RHOQ: variants seen among roughly 807,000 people sequenced by gnomAD.
The protein encoded by RHOQ is rho-related GTP-binding protein RhoQ.
RHOQ carries 7 observed loss-of-function variants against 25.8 expected under a neutral mutation model. The ratio of observed to expected loss-of-function variants is 0.27; its 90% CI spans 0.15 to 0.51. The LOEUF (loss-of-function observed/expected upper bound fraction) is 0.51, where lower values mean the gene tolerates loss of function less well. RHOQ is among the 20% of genes least tolerant of loss of function. RHOQ has a pLI of 0.97. For synonymous variants in RHOQ, 97 were observed against 98.6 expected, an observed-to-expected ratio of 0.98 and a Z score of 0.10; for missense variants, 165 against 260.6, an observed-to-expected ratio of 0.63 and a Z score of 2.53.
chr2:46,560,650 C>T (rs750051512), intron 2 of RHOQ: 3 of 455,852 alleles, frequency 6.6e-6, no homozygotes, highest in Admixed American at 4.7e-5. Flanking sequence ...TCTGTTGTGT[C>T]CACTAGCTCC....
chr2:46,542,965 C>T lies in RHOQ; in HGVS notation c.-82C>T, dbSNP rs950379389. ...GCGGAGCGGCGGCGACGGCGGCGGA[C>T]CCCCCAGGCGGGCTGGGGCTGAGCC... On this transcript the variant is annotated 5_prime_UTR_variant, in exon 1 of 5. Transcript: ENST00000238738. 20 of 935,074 alleles carry T rather than the reference C, an allele frequency of 2.1e-5. No homozygotes were observed. The highest frequency in any genetic ancestry group is 3.5e-5 in the African/African-American group (2 of 56,444). The allele number at this position is 935,074 out of a possible 1,614,324, so 57.9% of individuals were successfully genotyped here.
At position 46,543,122 on chromosome 2, in the gene RHOQ, C is replaced by T; in HGVS notation, c.76C>T (p.Leu26Phe). The T allele has an allele frequency of 1.2e-6, 2 of 1,611,696 alleles. No homozygotes were observed. The highest frequency in any genetic ancestry group is 1.7e-6 in the Non-Finnish European group (2 of 1,179,052). ...GDGAVGKTCL[L>F]MSYANDAFPE... is the part of the protein sequence containing the mutation. ...CGGGGCGGTGGGCAAGACGTGCCTA[C>T]TCATGAGCTATGCCAACGACGCCTT... The change falls in exon 1 of 5, where the codon CTC becomes TTC. Residue 26 changes from leucine (L) to phenylalanine (F), a missense_variant. By Grantham distance (22) the Leu-to-Phe change is conservative (BLOSUM62 0). Transcript: ENST00000238738.
At chr2:46,550,069 T>A (rs4953400) in intron 2 of RHOQ, among the ~76,000 whole-genome samples, 38,246 of 147,958 alleles carry the variant, frequency 0.26, 5,037 homozygotes, top group Admixed American at 0.31. Context: ...TTCTACTAAA[T>A]TTTTTTTTTT....
intron 2 of RHOQ, chr2:46,560,629 A>AT: frequency 2.2e-6 from 1 of 456,272 alleles, no homozygotes; most frequent in South Asian, 1.5e-5. Flanking sequence ...ATGGGTTTCC[A>AT]GTGGCCAGGA....
intron 2 of RHOQ, among the ~76,000 whole-genome samples, chr2:46,554,328 A>AT (rs1668344561): frequency 6.6e-6 from 1 of 152,076 alleles, no homozygotes; most frequent in African/African-American, 2.4e-5. Context: ...TGGAAGCAGA[A>AT]TTTTTTGTGG....
At chr2:46,546,495 T>G in intron 2 of RHOQ, among the ~76,000 whole-genome samples, 1 of 22,368 alleles carries the variant, frequency 4.5e-5, no homozygotes, top group East Asian at 2.2e-3. Context: ...TATATATATA[T>G]ATATATATAT....
chr2:46,543,351 G>A, intron 1 of RHOQ, 163 bp downstream of exon 1: 2 of 701,240 alleles, frequency 2.9e-6, no homozygotes, highest in Non-Finnish European at 4.8e-6. Context: ...TTCGCTCCTG[G>A]CAACCCCTCG....
chr2:46,581,278 G>A lies in RHOQ; in HGVS notation c.*195G>A. 1.0e-6 allele frequency: 1 copy of A among 972,100 alleles called. No homozygotes were observed. The highest frequency in any genetic ancestry group is 1.8e-5 in the South Asian group (1 of 54,430). 60.2% of individuals were successfully genotyped at this position (972,100 alleles called of 1,614,324 possible). On this transcript the variant is annotated 3_prime_UTR_variant, in exon 5 of 5. Coordinates refer to ENST00000238738, the MANE Select transcript of RHOQ (RefSeq NM_012249.4). ...TAAGAAGCAGTAAGCAGCATCTGAA[G>A]CCACAATCTATTATAAATACTTTAT... is the stretch of plus-strand genomic sequence containing the variant.
Position 46,548,507 on chromosome 2 carries a change from CT to C in RHOQ, c.201+4697del, listed in dbSNP as rs1220688799. ...GATGAGGAAATTGGGAACAAGTGGG[CT>C]TATGGGAACCAGACAGAGATGTGAT... On this transcript the variant is annotated intron_variant, in intron 2 of 4. Transcript: ENST00000238738. This position sits in a 1 kb window ranked among gnomAD's most constrained non-coding sequence, Gnocchi z 5.2. 4.6e-5 allele frequency among the ~76,000 whole-genome samples: 7 copies of C among 152,212 alleles called. No individual in the cohort carries two copies. The highest frequency in any genetic ancestry group is 1.0e-4 in the Non-Finnish European group (7 of 68,040).
chr2:46,580,850 T>A (rs924341808), intron 4 of RHOQ, 78 bp from the exon 5 acceptor site: 3 of 1,022,866 alleles, frequency 2.9e-6, no homozygotes, highest in Non-Finnish European at 2.7e-6. Flanking sequence ...TATAATTTTC[T>A]TTATAATGAT....
chr2:46,546,489 T>C (rs888806214), intron 2 of RHOQ, among the ~76,000 whole-genome samples: 495 of 26,314 alleles, frequency 0.019, 50 homozygotes, highest in African/African-American at 0.075. Flanking sequence ...TATATATATA[T>C]ATATATATAT....
chr2:46,543,823 T>A lies in RHOQ; in HGVS notation c.201+11T>A. 1.9e-6 allele frequency: 3 copies of A among 1,611,470 alleles called. No individual in the cohort carries two copies. Among genetic ancestry groups the A allele is most frequent in the Non-Finnish European group, 2.5e-6 (3 of 1,178,550 alleles). ...GACACGGCCGGACAGGTGAGTGTCT[T>A]GGCCTCTGGCCGACGCCCCCCTCCT... On this transcript the variant is annotated intron_variant, in intron 2 of 4. Transcript: ENST00000238738.
chr2:46,556,848 G>A lies in RHOQ; in HGVS notation c.201+13036G>A, dbSNP rs996770750. Among the ~76,000 whole-genome samples the A allele has an allele frequency of 2.6e-5, 4 of 152,124 alleles. No homozygotes were observed. Among genetic ancestry groups the A allele is most frequent in the African/African-American group, 4.8e-5 (2 of 41,412 alleles). ...AGATAGGCAAGGTTTCTGTGGGGCC[G>A]TTTAGATTCAGAAACAATTTTATTG... On this transcript the variant is annotated intron_variant, in intron 2 of 4. Coordinates refer to ENST00000238738, the MANE Select transcript of RHOQ (RefSeq NM_012249.4). This position sits in a 1 kb window ranked among gnomAD's most constrained non-coding sequence, Gnocchi z 4.9.
At chr2:46,570,615 G>T (rs1017065463) in intron 2 of RHOQ, among the ~76,000 whole-genome samples, 1 of 152,124 alleles carries the variant, frequency 6.6e-6, no homozygotes, top group African/African-American at 2.4e-5. Context: ...AAGGGTGGAG[G>T]GTTTCAAGAG....
rs116206803 is a variant in RHOQ at position 46,557,595 on chromosome 2, A to T, written c.201+13783A>T. 6.1e-3 allele frequency among the ~76,000 whole-genome samples: 936 copies of T among 152,298 alleles called. 7 individuals are homozygous for T. Among genetic ancestry groups the T allele is most frequent in the Non-Finnish European group, 9.8e-3 (666 of 68,008 alleles). ...TGACCATGAATAATTTTAGAAATTT[A>T]CTTCTTTATACTTTATTGTGTTCCC... is the stretch of plus-strand genomic sequence containing the variant. On this transcript the variant is annotated intron_variant, in intron 2 of 4. Coordinates refer to ENST00000238738, the MANE Select transcript of RHOQ (RefSeq NM_012249.4).
At chr2:46,568,255 G>C (rs893026418) in intron 2 of RHOQ, 4 of 152,196 alleles carry the variant, frequency 2.6e-5, no homozygotes, top group Non-Finnish European at 4.4e-5. Flanking sequence ...GACAAATCCA[G>C]TTTCTCAGAA....
intron 2 of RHOQ, among the ~76,000 whole-genome samples, chr2:46,570,085 T>G (rs1330534773): frequency 2.6e-5 from 4 of 152,192 alleles, no homozygotes; most frequent in African/African-American, 9.7e-5. Context: ...AAACTGATAT[T>G]TTCATTTCAC....
intron 4 of RHOQ, among the ~76,000 whole-genome samples, chr2:46,579,805 A>G (rs1669279317): frequency 6.6e-6 from 1 of 151,728 alleles, no homozygotes; most frequent in Admixed American, 6.6e-5. Context: ...AGATCGAACC[A>G]TAGTACTCCA....
At chr2:46,547,764 C>T (rs116735098) in intron 2 of RHOQ, among the ~76,000 whole-genome samples, 2,906 of 152,318 alleles carry the variant, frequency 0.019, 47 homozygotes, top group Middle Eastern at 0.034. Flanking sequence ...GCAGCAACCC[C>T]ATTGTCTGCT....
Sources: allele counts gnomAD v4.1 joint callset (sites outside exome capture counted in the v4.1 genomes callset), GRCh38; gene constraint gnomAD v4.1.1; non-coding constraint Gnocchi (gnomAD v3.1); transcripts MANE v1.5; gene names NCBI Gene and HGNC (gene_info 2026-07-23, HGNC 2026-07-21).